Variants in VPS26C observed in about 807,000 individuals in gnomAD.
VPS26C encodes VPS26 endosomal protein sorting factor C.
In VPS26C, 19 loss-of-function variants were observed where a neutral mutation model predicts 30.6. That is an observed-to-expected ratio of 0.62 (90% CI 0.43 to 0.91). VPS26C has a LOEUF of 0.91. Among genes scored for constraint, VPS26C ranks in the 40% least tolerant of loss-of-function variants. The pLI, the probability that VPS26C is intolerant of heterozygous loss-of-function variation, is 0.00. For missense variants in VPS26C, 318 were observed against 385.1 expected, an observed-to-expected ratio of 0.83 and a Z score of 1.46; for synonymous variants, 132 against 151.5, an observed-to-expected ratio of 0.87 and a Z score of 0.95.
chr21:37,258,425 G>A (rs2086268745), intron 1 of VPS26C, among the ~76,000 whole-genome samples: 1 of 152,164 alleles, frequency 6.6e-6, no homozygotes. Flanking sequence ...CTGCGCATGC[G>A]CCGGGCATTC....
In VPS26C at chr21:37,233,361, C is replaced by G; in HGVS notation, c.432+1G>C. 1 of 1,613,684 alleles carries G rather than the reference C, an allele frequency of 6.2e-7. No individual in the cohort carries two copies. The highest frequency in any genetic ancestry group is 8.5e-7 in the Non-Finnish European group (1 of 1,179,574). The stretch of plus-strand genomic sequence containing the variant: ...CACCAGAGTCCCCGAGTGAAGCTTA[C>G]AGCGGAGTGAACGATAAATTCACAG... On this transcript the variant is annotated splice_donor_variant, in intron 4 of 7. Coordinates refer to ENST00000309117, the MANE Select transcript of VPS26C (RefSeq NM_006052.2). LOFTEE classifies it high-confidence loss of function. This position sits in a 1 kb window ranked among gnomAD's most constrained non-coding sequence, Gnocchi z 5.2.
intron 2 of VPS26C, among the ~76,000 whole-genome samples, chr21:37,239,539 C>CA (rs1263727119): frequency 6.6e-6 from 1 of 151,522 alleles, no homozygotes. Context: ...AATAAAATGA[C>CA]AGTTTTGATT....
intron 1 of VPS26C, among the ~76,000 whole-genome samples, chr21:37,258,894 T>G (rs2148308377): frequency 6.6e-6 from 1 of 152,368 alleles, no homozygotes; most frequent in Non-Finnish European, 1.5e-5. Flanking sequence ...TGAACACTTT[T>G]GATCGCATCC....
chr21:37,224,187 A>C lies in VPS26C; in HGVS notation c.*1357T>G, dbSNP rs1282825622. On this transcript the variant is annotated 3_prime_UTR_variant, in exon 8 of 8. Transcript: ENST00000309117. Reference sequence around the variant, plus strand: ...GCTGTTCAGAACCTACCCAGTAACAACAGGAGCAAACATACATGTTTTCCC... The same window carrying C: ...GCTGTTCAGAACCTACCCAGTAACACCAGGAGCAAACATACATGTTTTCCC... The C allele has an allele frequency of 6.6e-6, 1 of 152,250 alleles. No homozygotes were observed. Among genetic ancestry groups the C allele is most frequent in the African/African-American group, 2.4e-5 (1 of 41,434 alleles). The allele number at this position is 152,250 out of a possible 1,614,324, so 9.4% of individuals were successfully genotyped here. A position where few individuals can be genotyped will look rare whatever the true frequency, so the allele number is the denominator to read the frequency against.
chr21:37,266,133 G>C lies in VPS26C; in HGVS notation c.57+1105C>G, dbSNP rs558583150. On this transcript the variant is annotated intron_variant, in intron 1 of 7. Coordinates refer to ENST00000309117, the MANE Select transcript of VPS26C (RefSeq NM_006052.2). ...AGGTTTCACCATGTTGGCCAGGCTG[G>C]TCTCGAACTCCTGACCTCAGGTGAT... Among the ~76,000 whole-genome samples, 5 of 152,066 alleles carry C rather than the reference G, an allele frequency of 3.3e-5. 1 individual carries two copies. The South Asian group carries it at 6.2e-4, about 19-fold the overall frequency.
At chr21:37,232,826 G>C (rs1179997838) in intron 4 of VPS26C, among the ~76,000 whole-genome samples, 1 of 152,222 alleles carries the variant, frequency 6.6e-6, no homozygotes, top group Non-Finnish European at 1.5e-5. Context: ...GACGAGGCAA[G>C]CGGGGCAGAG....
In VPS26C at chr21:37,267,214, TCCCCAC is replaced by T; in HGVS notation, c.57+18_57+23del. ...GCAGACCCGCCCAACCCCACCTCCATCCCCACCCCCAGCCCCCACTTACCCCGGCGT... is the reference window on the plus strand; with the variant it reads ...GCAGACCCGCCCAACCCCACCTCCATCCCCAGCCCCCACTTACCCCGGCGT... On this transcript the variant is annotated intron_variant, in intron 1 of 7. Transcript: ENST00000309117. 1 of 457,110 alleles carries T rather than the reference TCCCCAC, an allele frequency of 2.2e-6. No individual in the cohort carries two copies. Among genetic ancestry groups the T allele is most frequent in the Non-Finnish European group, 4.2e-6 (1 of 236,422 alleles). The allele number at this position is 457,110 out of a possible 1,614,324, so 28.3% of individuals were successfully genotyped here.
upstream of VPS26C, chr21:37,267,633 G>A (rs940727414): frequency 3.0e-6 from 1 of 329,192 alleles, no homozygotes; most frequent in African/African-American, 2.2e-5. Context: ...GTTAGCGGAG[G>A]GAGGGAGGAA....
chr21:37,259,237 A>G (rs2086279424), intron 1 of VPS26C, among the ~76,000 whole-genome samples: 1 of 152,052 alleles, frequency 6.6e-6, no homozygotes, highest in Admixed American at 6.5e-5. Context: ...CTAGCATTTT[A>G]GCTTTGCAAT....
intron 1 of VPS26C, among the ~76,000 whole-genome samples, chr21:37,253,852 G>A (rs2086216976): frequency 6.6e-6 from 1 of 152,144 alleles, no homozygotes; most frequent in Non-Finnish European, 1.5e-5. Flanking sequence ...TTGGATTAGG[G>A]ATGCTCAACC....
At chr21:37,267,192 G>T (rs1229170827) in intron 1 of VPS26C, 46 bp downstream of exon 1, 5 of 1,414,172 alleles carry the variant, frequency 3.5e-6, no homozygotes, top group Non-Finnish European at 3.9e-6. Context: ...GGAACCTGCA[G>T]ACCCGCCCAA....
At chr21:37,261,406 T>C (rs1456475656) in intron 1 of VPS26C, 1 of 152,184 alleles carries the variant, frequency 6.6e-6, no homozygotes, top group Admixed American at 6.5e-5. Flanking sequence ...TAGTTTCGGA[T>C]CTTCTAAGTC....
intron 1 of VPS26C, among the ~76,000 whole-genome samples, chr21:37,256,296 G>A (rs1043272135): frequency 3.2e-4 from 48 of 152,240 alleles, no homozygotes; most frequent in African/African-American, 1.1e-3. Flanking sequence ...CCGTAGGCCT[G>A]TGAAGACACC....
chr21:37,227,941 C>T, intron 6 of VPS26C, 135 bp from the exon 7 acceptor site: 2 of 1,214,598 alleles, frequency 1.6e-6, no homozygotes, highest in African/African-American at 1.5e-5. Context: ...AGACACGCGG[C>T]TACTGCTAAG....
chr21:37,228,653 C>T (rs1405862012), intron 5 of VPS26C: 1 of 296,194 alleles, frequency 3.4e-6, no homozygotes, highest in Non-Finnish European at 6.4e-6. Flanking sequence ...AGCTAGAAAG[C>T]TCCTTCTTAC....
At chr21:37,232,680 A>T (rs1421253098) in intron 4 of VPS26C, 1 of 590,890 alleles carries the variant, frequency 1.7e-6, no homozygotes, top group East Asian at 2.8e-5. Flanking sequence ...TTAATCTCCA[A>T]CGTGCCTTTC....
At chr21:37,250,341 CT>C (rs1184023317) in intron 1 of VPS26C, among the ~76,000 whole-genome samples, 4 of 151,204 alleles carry the variant, frequency 2.6e-5, no homozygotes, top group South Asian at 2.1e-4. Flanking sequence ...CATACTGAAA[CT>C]TTTTGTGTAT....
chr21:37,240,619 C>T lies in VPS26C; in HGVS notation c.78G>A (p.Val26=), dbSNP rs772552915. ...GGACTGAATCCTTACTCGATATGAC[C>T]ACCACGCCAGAGAGCACTTCCTGGG... The part of the protein sequence containing the change: ...YHAGEVLSGV[V]VISSKDSVQH... Residue 26 remains valine, a synonymous_variant, in exon 2 of 8, where the codon GTG becomes GTA. Transcript: ENST00000309117. The T allele has an allele frequency of 1.2e-6, 2 of 1,614,054 alleles. No individual in the cohort carries two copies. Among genetic ancestry groups the T allele is most frequent in the Non-Finnish European group, 1.7e-6 (2 of 1,179,960 alleles).
intron 1 of VPS26C, among the ~76,000 whole-genome samples, chr21:37,262,768 ATTTT>A (rs755196084): frequency 1.4e-5 from 2 of 141,402 alleles, no homozygotes; most frequent in Non-Finnish European, 1.6e-5. Context: ...TAGCACGTTA[ATTTT>A]TTTTTTTTTT....
Sources: allele counts gnomAD v4.1 joint callset (sites outside exome capture counted in the v4.1 genomes callset), GRCh38; gene constraint gnomAD v4.1.1; non-coding constraint Gnocchi (gnomAD v3.1); transcripts MANE v1.5; gene names NCBI Gene and HGNC (gene_info 2026-07-23, HGNC 2026-07-21).